ZNF804B: variants seen among roughly 807,000 people sequenced by gnomAD.
The protein encoded by ZNF804B is zinc finger protein 804B, also known as zinc finger 804B.
Under a neutral mutation model 101.4 loss-of-function variants are expected in ZNF804B, and 80 were observed. The observed-to-expected ratio is 0.79, with a 90% confidence interval of 0.66 to 0.95. The LOEUF (loss-of-function observed/expected upper bound fraction) is 0.95. Among genes scored for constraint, ZNF804B ranks in the 40% least tolerant of loss-of-function variants. The probability of loss-of-function intolerance (pLI) is 0.00; values close to 1 mark genes in which losing one functional copy is unlikely to be tolerated. For synonymous variants in ZNF804B, 622 were observed against 558.8 expected (o/e 1.11, Z -1.59); for missense variants, 1,673 against 1,561.9 (o/e 1.07, Z -1.20).
chr7:89,141,698 A>T lies in ZNF804B; in HGVS notation c.109-76457A>T, dbSNP rs539769087. On this transcript the variant is annotated intron_variant, in intron 1 of 3. Transcript: ENST00000333190. ...CTACCAGCAATGTCCAAGAGTTCCA[A>T]TTTTTCCACATCTTGCCAACACTCA... is the stretch of plus-strand genomic sequence containing the variant. Among the ~76,000 whole-genome samples the T allele has an allele frequency of 2.6e-4, 40 of 151,918 alleles. No individual in the cohort carries two copies. In the South Asian group the frequency reaches 4.8e-3, roughly 18 times the overall value.
chr7:89,142,829 G>A (rs1790736947), intron 1 of ZNF804B, among the ~76,000 whole-genome samples: 1 of 152,022 alleles, frequency 6.6e-6, no homozygotes, highest in Non-Finnish European at 1.5e-5. Flanking sequence ...TTATTTAACT[G>A]AGGACATCCA....
intron 1 of ZNF804B, among the ~76,000 whole-genome samples, chr7:89,058,703 T>A (rs1005335933): frequency 6.6e-6 from 1 of 152,032 alleles, no homozygotes; most frequent in Non-Finnish European, 1.5e-5. Context: ...TGTTTGTTTG[T>A]TTGTTTGTTT....
intron 2 of ZNF804B, among the ~76,000 whole-genome samples, chr7:89,269,611 T>C (rs1163019223): frequency 1.3e-5 from 2 of 152,190 alleles, no homozygotes; most frequent in South Asian, 2.1e-4. Flanking sequence ...ATGGTATTTC[T>C]AGTTCTAGGT....
intron 2 of ZNF804B, among the ~76,000 whole-genome samples, chr7:89,265,967 G>C (rs1168484873): frequency 6.6e-6 from 1 of 152,204 alleles, no homozygotes; most frequent in Non-Finnish European, 1.5e-5. Flanking sequence ...AGACAGCTCA[G>C]CTAATTGAAG....
chr7:89,148,685 G>A (rs908673706), intron 1 of ZNF804B, among the ~76,000 whole-genome samples: 1 of 151,986 alleles, frequency 6.6e-6, no homozygotes, highest in Non-Finnish European at 1.5e-5. Context: ...CTATTGAAAT[G>A]TAGTCACTTA....
chr7:88,877,026 A>ATATATATAT (rs1491138122), intron 1 of ZNF804B, among the ~76,000 whole-genome samples: 5 of 41,096 alleles, frequency 1.2e-4, no homozygotes, highest in African/African-American at 8.3e-4. Flanking sequence ...ATATATATAT[A>ATATATATAT]ATATATATAT....
chr7:89,263,741 A>T (rs1440361780), intron 2 of ZNF804B, among the ~76,000 whole-genome samples: 1 of 152,298 alleles, frequency 6.6e-6, no homozygotes, highest in Non-Finnish European at 1.5e-5. Flanking sequence ...TCATGTAAAG[A>T]TAGAGGCAAA....
In ZNF804B at chr7:89,226,548, G is replaced by T. The variant is rs532568179; in HGVS notation, c.249+8253G>T. ...TTTAAAATTATTTAATAATAATTTG[G>T]TTCACATCTTTTCAGATAAGTCTCT... On this transcript the variant is annotated intron_variant, in intron 2 of 3. Transcript: ENST00000333190. Among the ~76,000 whole-genome samples the T allele has an allele frequency of 5.9e-5, 9 of 151,396 alleles. No individual in the cohort carries two copies. The South Asian group carries it at 1.9e-3, about 32-fold the overall frequency.
At chr7:89,134,778 C>T (rs774658620) in intron 1 of ZNF804B, among the ~76,000 whole-genome samples, 13 of 151,858 alleles carry the variant, frequency 8.6e-5, no homozygotes, top group African/African-American at 3.1e-4. Context: ...ATATAATAAC[C>T]CATATTTTAT....
intron 1 of ZNF804B, among the ~76,000 whole-genome samples, chr7:88,949,017 G>C (rs910177536): frequency 6.6e-6 from 1 of 151,410 alleles, no homozygotes; most frequent in Non-Finnish European, 1.5e-5. Flanking sequence ...TGTGAAGTAT[G>C]AGTTGAGAAA....
intron 1 of ZNF804B, among the ~76,000 whole-genome samples, chr7:88,807,649 A>G (rs1322053313): frequency 1.3e-5 from 2 of 152,090 alleles, no homozygotes; most frequent in East Asian, 1.9e-4. Context: ...TATTCATGCC[A>G]TAGATAAAAC....
chr7:89,240,597 A>G (rs776136088), intron 2 of ZNF804B, among the ~76,000 whole-genome samples: 4 of 151,974 alleles, frequency 2.6e-5, no homozygotes, highest in Non-Finnish European at 5.9e-5. Context: ...TTTATAATCG[A>G]CATAGTTCCT....
intron 1 of ZNF804B, among the ~76,000 whole-genome samples, chr7:88,959,326 T>A (rs1318507806): frequency 6.6e-6 from 1 of 151,420 alleles, no homozygotes; most frequent in Non-Finnish European, 1.5e-5. Context: ...TAAGTATTAG[T>A]TAAATAAATA....
At position 89,281,268 on chromosome 7, in the gene ZNF804B, A is replaced by T. The variant is rs529585819; in HGVS notation, c.250-46076A>T. ...CTTTTATTTTGGCTCCCAGGGGAGA[A>T]AAAACCAATAGCTCTGTATTAATTA... On this transcript the variant is annotated intron_variant, in intron 2 of 3. Transcript: ENST00000333190. 3.6e-3 allele frequency among the ~76,000 whole-genome samples: 556 copies of T among 152,334 alleles called. 7 individuals carry two copies. The highest frequency in any genetic ancestry group is 5.3e-3 in the Admixed American group (81 of 15,308).
At chr7:89,096,153 TAAAAA>T (rs10717569) in intron 1 of ZNF804B, among the ~76,000 whole-genome samples, 4 of 136,686 alleles carry the variant, frequency 2.9e-5, no homozygotes, top group African/African-American at 8.3e-5. Flanking sequence ...AGACTCCATT[TAAAAA>T]AAAAAAAAAA....
chr7:88,803,119 T>G (rs1790615074), intron 1 of ZNF804B, among the ~76,000 whole-genome samples: 1 of 152,134 alleles, frequency 6.6e-6, no homozygotes, highest in African/African-American at 2.4e-5. Context: ...GTTTTGTATT[T>G]TCCAATTTTT....
At chr7:89,022,031 G>T (rs1788675742) in intron 1 of ZNF804B, among the ~76,000 whole-genome samples, 1 of 152,126 alleles carries the variant, frequency 6.6e-6, no homozygotes, top group African/African-American at 2.4e-5. Flanking sequence ...GTGACAGTGG[G>T]GGTTGGTGGA....
chr7:88,927,889 TCTTATAA>T (rs1792830205), intron 1 of ZNF804B, among the ~76,000 whole-genome samples: 2 of 152,114 alleles, frequency 1.3e-5, no homozygotes, highest in South Asian at 4.1e-4. Context: ...GTTTAATTCT[TCTTATAA>T]CTGAATTAAT....
intron 1 of ZNF804B, among the ~76,000 whole-genome samples, chr7:88,846,888 CAT>C (rs137918471): frequency 0.028 from 4,248 of 150,942 alleles, 158 homozygotes; most frequent in African/African-American, 0.081. Flanking sequence ...TAAATATACA[CAT>C]ATTTTATATG....
Sources: gnomAD v4.1 joint callset for allele counts (sites outside exome capture counted in the v4.1 genomes callset) on GRCh38, gnomAD v4.1.1 for gene constraint, MANE v1.5 for transcripts, NCBI Gene and HGNC (gene_info 2026-07-23, HGNC 2026-07-21) for gene names.